DIP2C: variants seen among roughly 807,000 people sequenced by gnomAD.
The protein encoded by DIP2C is disco-interacting protein 2 homolog C.
Under a neutral mutation model 192.4 loss-of-function variants are expected in DIP2C, and 33 were observed. The ratio of observed to expected loss-of-function variants is 0.17; its 90% CI spans 0.13 to 0.23. DIP2C has a LOEUF of 0.23. Among genes scored for constraint, DIP2C ranks in the 10% least tolerant of loss-of-function variants. The pLI is 1.00. For synonymous variants in DIP2C, 979 were observed against 864.1 expected, an observed-to-expected ratio of 1.13 and a Z score of -2.33; for missense variants, 1,537 against 2,110.1, an observed-to-expected ratio of 0.73 and a Z score of 5.32.
At chr10:627,928 A>G (rs2131867953) in intron 1 of DIP2C, among the ~76,000 whole-genome samples, 1 of 152,310 alleles carries the variant, frequency 6.6e-6, no homozygotes, top group East Asian at 1.9e-4. Flanking sequence ...CACCTCACCC[A>G]GGGTCTGTGT....
chr10:452,865 G>A (rs1279090815), intron 3 of DIP2C, among the ~76,000 whole-genome samples: 5 of 152,310 alleles, frequency 3.3e-5, no homozygotes, highest in Admixed American at 1.3e-4. Flanking sequence ...CACAGGGCAC[G>A]GGGCAGGATG....
intron 25 of DIP2C, among the ~76,000 whole-genome samples, chr10:349,091 G>C (rs1222765634): frequency 6.6e-6 from 1 of 152,212 alleles, no homozygotes; most frequent in Non-Finnish European, 1.5e-5. Context: ...CACAAATTTG[G>C]ATATAAAAGT....
intron 17 of DIP2C, among the ~76,000 whole-genome samples, chr10:379,355 C>G (rs1236526703): frequency 6.6e-6 from 1 of 152,150 alleles, no homozygotes; most frequent in African/African-American, 2.4e-5. Flanking sequence ...TCCATTGATC[C>G]TGTGAGCCCC....
At chr10:378,172 G>A (rs1961855796) in intron 17 of DIP2C, among the ~76,000 whole-genome samples, 1 of 152,166 alleles carries the variant, frequency 6.6e-6, no homozygotes, top group Non-Finnish European at 1.5e-5. Context: ...CTAACATCGG[G>A]AGAAAAGAAA....
chr10:390,633 C>T lies in DIP2C; in HGVS notation c.1384+107G>A, dbSNP rs374250697. The T allele has an allele frequency of 8.0e-6, 12 of 1,507,156 alleles. No individual in the cohort carries two copies. In the South Asian group the frequency reaches 9.2e-5, roughly 12 times the overall value. 93.4% of individuals were successfully genotyped at this position (1,507,156 alleles called of 1,614,324 possible). A position where few individuals can be genotyped will look rare whatever the true frequency, so the allele number is the denominator to read the frequency against. On this transcript the variant is annotated intron_variant, in intron 11 of 36. Transcript: ENST00000280886. ...TGAAAACTCGTGGGTCTGTGACTGACGTTTCATTCCACAGAGGATTGAAAC... is the reference window on the plus strand; with the variant it reads ...TGAAAACTCGTGGGTCTGTGACTGATGTTTCATTCCACAGAGGATTGAAAC...
rs552178007 is a variant in DIP2C, at chr10:454,575, A to G, written c.269-13579T>C. 2.5e-5 allele frequency among the ~76,000 whole-genome samples: 3 copies of G among 121,624 alleles called. No homozygotes were observed. The East Asian group carries it at 6.2e-4, about 25-fold the overall frequency. 79.8% of individuals were successfully genotyped at this position (121,624 alleles called of 152,430 possible). A position where few individuals can be genotyped will look rare whatever the true frequency, so the allele number is the denominator to read the frequency against. On this transcript the variant is annotated intron_variant, in intron 3 of 36. Coordinates refer to ENST00000280886, the MANE Select transcript of DIP2C (RefSeq NM_014974.3). Reference sequence around the variant, plus strand: ...TATACAAATGCACCATCTATGCTTGATGTCATTATTGCAATGAGATATTCG... The same window carrying G: ...TATACAAATGCACCATCTATGCTTGGTGTCATTATTGCAATGAGATATTCG...
chr10:676,543 A>G (rs892237122), intron 1 of DIP2C, among the ~76,000 whole-genome samples: 3 of 152,116 alleles, frequency 2.0e-5, no homozygotes, highest in Non-Finnish European at 4.4e-5. Flanking sequence ...CTTTGAACTG[A>G]TAAACAAATT....
intron 28 of DIP2C, among the ~76,000 whole-genome samples, chr10:341,998 T>G (rs1003705206): frequency 3.3e-5 from 5 of 152,218 alleles, no homozygotes; most frequent in African/African-American, 7.2e-5. Flanking sequence ...ATGTTGTGTC[T>G]GGGGAATGTG....
chr10:576,070 G>A (rs183546345), intron 1 of DIP2C, among the ~76,000 whole-genome samples: 26 of 152,298 alleles, frequency 1.7e-4, no homozygotes, highest in Admixed American at 2.6e-4. Context: ...CTTTGTCCGG[G>A]AGAAGCAAAT....
At chr10:616,616 A>G (rs1238311231) in intron 1 of DIP2C, among the ~76,000 whole-genome samples, 1 of 152,138 alleles carries the variant, frequency 6.6e-6, no homozygotes, top group Non-Finnish European at 1.5e-5. Flanking sequence ...CAGCACCCAG[A>G]GGTCTGCCAG....
rs1331674785 is a variant in DIP2C at position 636,931 on chromosome 10, C to T, written c.85+52563G>A. ...GGCGGGAGCTCCTAGTCCTGCTCCC[C>T]GACGGCATAGCTGCGACCGGCACCA... is the stretch of plus-strand genomic sequence containing the variant. On this transcript the variant is annotated intron_variant, in intron 1 of 36. Transcript: ENST00000280886. This position sits in a 1 kb window ranked among gnomAD's most constrained non-coding sequence, Gnocchi z 4.6. 1.3e-5 allele frequency among the ~76,000 whole-genome samples: 2 copies of T among 152,226 alleles called. No individual in the cohort carries two copies. The highest frequency in any genetic ancestry group is 1.5e-5 in the Non-Finnish European group (1 of 68,042).
intron 17 of DIP2C, among the ~76,000 whole-genome samples, chr10:373,947 C>T (rs1016007700): frequency 2.0e-5 from 3 of 152,172 alleles, no homozygotes; most frequent in Admixed American, 2.0e-4. Context: ...CTCGCAATAG[C>T]CCCCCGGATC....
At chr10:447,502 C>CA (rs1564724133) in intron 3 of DIP2C, among the ~76,000 whole-genome samples, 1 of 149,536 alleles carries the variant, frequency 6.7e-6, no homozygotes, top group Non-Finnish European at 1.5e-5. Context: ...CACAGTGGGG[C>CA]AGCAGGACCC....
intron 1 of DIP2C, among the ~76,000 whole-genome samples, chr10:674,789 T>TATATATATATAGAGAGAGAGAGAG: frequency 2.1e-4 from 13 of 62,478 alleles, no homozygotes; most frequent in African/African-American, 7.2e-4. Context: ...TATATATATA[T>TATATATATATAGAGAGAGAGAGAG]AGAGAGAGAG....
At chr10:582,599 C>CT (rs1850738106) in intron 1 of DIP2C, among the ~76,000 whole-genome samples, 1 of 152,052 alleles carries the variant, frequency 6.6e-6, no homozygotes, top group African/African-American at 2.4e-5. Flanking sequence ...TATAAATAAA[C>CT]TAAAAACCAA....
rs1306526305 is a variant in DIP2C at position 305,223 on chromosome 10, CAT to C, written c.3986+4806_3986+4807del. Among the ~76,000 whole-genome samples, 7 of 152,378 alleles carry C rather than the reference CAT, an allele frequency of 4.6e-5. No homozygotes were observed. In the South Asian group the frequency reaches 1.2e-3, roughly 27 times the overall value. On this transcript the variant is annotated intron_variant, in intron 32 of 36. Transcript: ENST00000280886. ...CCACATCACACTCACCCATGCAACA[CAT>C]GACACAGGCAAGCTCGCACATGTAC...
At chr10:460,579 C>T (rs1200259368) in intron 3 of DIP2C, among the ~76,000 whole-genome samples, 1 of 152,042 alleles carries the variant, frequency 6.6e-6, no homozygotes, top group Non-Finnish European at 1.5e-5. Flanking sequence ...TATTTCTGGG[C>T]TGCTAAAATT....
chr10:530,046 G>A (rs914628173), intron 1 of DIP2C, among the ~76,000 whole-genome samples: 9 of 152,012 alleles, frequency 5.9e-5, no homozygotes, highest in African/African-American at 1.7e-4. Context: ...GATGCACTCC[G>A]GTTGCCCGAG....
rs540704112 is a variant in DIP2C at position 626,266 on chromosome 10, G to A, written c.85+63228C>T. Among the ~76,000 whole-genome samples the A allele has an allele frequency of 3.3e-5, 5 of 152,276 alleles. No individual in the cohort carries two copies. In the South Asian group the frequency reaches 1.0e-3, roughly 32 times the overall value. On this transcript the variant is annotated intron_variant, in intron 1 of 36. Coordinates refer to ENST00000280886, the MANE Select transcript of DIP2C (RefSeq NM_014974.3). ...GAAACACCAGGGAGCCTGTCCCAGG[G>A]TGCAGAGCCAGTGAACAGTGGTTCA...
Sources: gnomAD v4.1 joint callset for allele counts (sites outside exome capture counted in the v4.1 genomes callset) on GRCh38, gnomAD v4.1.1 for gene constraint, Gnocchi (gnomAD v3.1) non-coding constraint, MANE v1.5 for transcripts, NCBI Gene and HGNC (gene_info 2026-07-23, HGNC 2026-07-21) for gene names.